Variants in TBC1D19 observed in about 807,000 individuals in gnomAD.
The protein encoded by TBC1D19 is TBC1 domain family, member 19.
TBC1D19 carries 60 observed loss-of-function variants against 89.0 expected under a neutral mutation model. The observed-to-expected ratio is 0.67, with a 90% CI of 0.55 to 0.84. The LOEUF (loss-of-function observed/expected upper bound fraction) is 0.84. Among genes scored for constraint, TBC1D19 ranks in the 40% least tolerant of loss-of-function variants. The probability of loss-of-function intolerance (pLI) is 0.00; values close to 1 mark genes in which losing one functional copy is unlikely to be tolerated. For synonymous variants in TBC1D19, 189 were observed against 199.7 expected (o/e 0.95, Z 0.45); for missense variants, 500 against 610.8 (o/e 0.82, Z 1.91).
At chr4:26,660,262 C>G (rs1745140595) in intron 8 of TBC1D19, among the ~76,000 whole-genome samples, 1 of 151,964 alleles carries the variant, frequency 6.6e-6, no homozygotes, top group Admixed American at 6.6e-5. Flanking sequence ...CACCCTAAAA[C>G]AATAAGGAGC....
intron 15 of TBC1D19, among the ~76,000 whole-genome samples, chr4:26,728,643 T>C (rs1717465415): frequency 6.6e-6 from 1 of 152,210 alleles, no homozygotes; most frequent in Non-Finnish European, 1.5e-5. Flanking sequence ...TATAGTGTCA[T>C]TGGGAATATT....
At chr4:26,604,970 G>A (rs1047861713) in intron 1 of TBC1D19, among the ~76,000 whole-genome samples, 1 of 151,960 alleles carries the variant, frequency 6.6e-6, no homozygotes, top group African/African-American at 2.4e-5. Context: ...CTTTGGCTAT[G>A]TACTCAAAAG....
At chr4:26,628,738 A>G (rs1362434084) in intron 4 of TBC1D19, among the ~76,000 whole-genome samples, 1 of 152,028 alleles carries the variant, frequency 6.6e-6, no homozygotes, top group Non-Finnish European at 1.5e-5. Flanking sequence ...GAGCCAAATC[A>G]TGAGTGAACT....
At chr4:26,770,215 A>G in the TBC1D19 span, among the ~76,000 whole-genome samples, 59 of 152,234 alleles carry the variant, frequency 3.9e-4, 1 homozygote, top group East Asian at 0.011. Flanking sequence ...CCTTCAAGAA[A>G]CCCATTTTAA....
intron 13 of TBC1D19, among the ~76,000 whole-genome samples, chr4:26,698,164 T>G (rs935238989): frequency 2.0e-5 from 3 of 152,154 alleles, no homozygotes; most frequent in East Asian, 3.9e-4. Context: ...TTCAGCAAAG[T>G]CTCAGGATAC....
At chr4:26,586,163 A>G (rs1302167223) in intron 1 of TBC1D19, among the ~76,000 whole-genome samples, 1 of 142,546 alleles carries the variant, frequency 7.0e-6, no homozygotes, top group Non-Finnish European at 1.5e-5. Flanking sequence ...TATATGGTGC[A>G]AGGTAAGCTT....
intron 1 of TBC1D19, among the ~76,000 whole-genome samples, chr4:26,585,535 G>T (rs1739358711): frequency 1.3e-5 from 2 of 151,610 alleles, no homozygotes; most frequent in South Asian, 4.2e-4. Context: ...TCTATATGAT[G>T]TAAGTCTTTA....
At chr4:26,792,999 C>T in the TBC1D19 span, among the ~76,000 whole-genome samples, 1 of 152,360 alleles carries the variant, frequency 6.6e-6, no homozygotes, top group East Asian at 1.9e-4. Context: ...AAAGTTCAAA[C>T]TGCATCCAGC....
chr4:26,830,230 C>G, the TBC1D19 span, among the ~76,000 whole-genome samples: 1 of 152,144 alleles, frequency 6.6e-6, no homozygotes, highest in African/African-American at 2.4e-5. Flanking sequence ...ATAAGTAATG[C>G]GTATATGCAA....
upstream of TBC1D19, among the ~76,000 whole-genome samples, chr4:26,579,917 A>C (rs957998768): frequency 6.6e-6 from 1 of 152,174 alleles, no homozygotes; most frequent in African/African-American, 2.4e-5. Context: ...TCAATACGCT[A>C]AGCATGGTAG....
At chr4:26,819,033 A>G in the TBC1D19 span, among the ~76,000 whole-genome samples, 133 of 152,338 alleles carry the variant, frequency 8.7e-4, no homozygotes, top group South Asian at 1.9e-3. Context: ...GGTATCCCCA[A>G]AGAAGTGGAT....
rs868191611 is a variant in TBC1D19 at position 26,584,129 on chromosome 4, C to T, written c.-65C>T. On this transcript the variant is annotated 5_prime_UTR_variant, in exon 1 of 21. Coordinates refer to ENST00000264866, the MANE Select transcript of TBC1D19 (RefSeq NM_018317.4). ...AAGTGTCACTGGCCCTGAGTGGGACCCGGTAGCCCGTTCGCTCCGCGCCGG... is the reference window on the plus strand; with the variant it reads ...AAGTGTCACTGGCCCTGAGTGGGACTCGGTAGCCCGTTCGCTCCGCGCCGG... 9.8e-6 allele frequency: 15 copies of T among 1,523,888 alleles called. No individual in the cohort carries two copies. In the Admixed American group the frequency reaches 1.3e-4, roughly 14 times the overall value. The allele number at this position is 1,523,888 out of a possible 1,614,324, so 94.4% of individuals were successfully genotyped here.
intron 13 of TBC1D19, among the ~76,000 whole-genome samples, chr4:26,705,808 G>T (rs939105922): frequency 2.6e-5 from 4 of 152,050 alleles, no homozygotes; most frequent in Non-Finnish European, 2.9e-5. Flanking sequence ...TTTGGTGTTG[G>T]TATCAAGGTA....
the TBC1D19 span, among the ~76,000 whole-genome samples, chr4:26,785,645 G>T: frequency 3.9e-5 from 6 of 152,202 alleles, no homozygotes; most frequent in Admixed American, 2.6e-4. Context: ...ATCTGGATGG[G>T]CAGGTGTTTG....
the TBC1D19 span, among the ~76,000 whole-genome samples, chr4:26,829,406 A>T: frequency 4.5e-3 from 693 of 152,326 alleles, 8 homozygotes; most frequent in African/African-American, 0.016. Flanking sequence ...CTGAAGAAAC[A>T]TCCCCAAAGG....
At chr4:26,691,642 A>G (rs1239562092) in intron 13 of TBC1D19, among the ~76,000 whole-genome samples, 1 of 152,120 alleles carries the variant, frequency 6.6e-6, no homozygotes, top group Non-Finnish European at 1.5e-5. Flanking sequence ...TTTTGGGCAT[A>G]TGCTAGTGTA....
intron 1 of TBC1D19, among the ~76,000 whole-genome samples, chr4:26,608,313 A>C (rs1199648760): frequency 1.3e-5 from 2 of 152,224 alleles, no homozygotes; most frequent in East Asian, 3.8e-4. Context: ...AGGCTATATC[A>C]GAATAAAGCT....
intron 8 of TBC1D19, among the ~76,000 whole-genome samples, chr4:26,663,566 TTCTG>T (rs913641386): frequency 6.6e-6 from 1 of 152,224 alleles, no homozygotes; most frequent in Non-Finnish European, 1.5e-5. Context: ...CTACTATGTA[TTCTG>T]TCTGTCTGAA....
At chr4:26,801,665 G>C in the TBC1D19 span, among the ~76,000 whole-genome samples, 1 of 152,150 alleles carries the variant, frequency 6.6e-6, no homozygotes, top group African/African-American at 2.4e-5. Flanking sequence ...CCATTTGTTT[G>C]TATCCTCTTT....
Sources: allele counts gnomAD v4.1 joint callset (sites outside exome capture counted in the v4.1 genomes callset), GRCh38; gene constraint gnomAD v4.1.1; transcripts MANE v1.5; gene names NCBI Gene and HGNC (gene_info 2026-07-23, HGNC 2026-07-21).